The following HSP90AA1 variants were observed in gnomAD, a reference collection of about 807,000 sequenced individuals.
HSP90AA1 encodes heat shock protein HSP 90-alpha.
Under a neutral mutation model 73.3 loss-of-function variants are expected in HSP90AA1, and 18 were observed. The ratio of observed to expected loss-of-function variants is 0.25; its 90% confidence interval spans 0.17 to 0.36. The LOEUF (loss-of-function observed/expected upper bound fraction) is 0.36. HSP90AA1 is among the 10% of genes least tolerant of loss of function. The pLI is 1.00. For synonymous variants in HSP90AA1, 477 were observed against 296.9 expected (o/e 1.61, Z -6.24); for missense variants, 704 against 874.2 (o/e 0.81, Z 2.45).
At chr14:102,124,074 C>A (rs527651817) in intron 1 of HSP90AA1, among the ~76,000 whole-genome samples, 1 of 152,016 alleles carries the variant, frequency 6.6e-6, no homozygotes, top group African/African-American at 2.4e-5. Context: ...GAAACTACCA[C>A]GTCCAGCCTA....
chr14:102,113,641 A>G (rs1259773068), intron 1 of HSP90AA1, among the ~76,000 whole-genome samples: 1 of 152,134 alleles, frequency 6.6e-6, no homozygotes, highest in Non-Finnish European at 1.5e-5. Flanking sequence ...TTGGCCTCCC[A>G]GAGTGCTGGG....
intron 1 of HSP90AA1, among the ~76,000 whole-genome samples, chr14:102,116,136 G>A (rs2049703762): frequency 1.3e-5 from 2 of 151,970 alleles, no homozygotes; most frequent in African/African-American, 2.4e-5. Context: ...TGTATTTTTA[G>A]TAGAGACAGG....
intron 9 of HSP90AA1, chr14:102,082,710 T>C: frequency 1.9e-6 from 1 of 517,722 alleles, no homozygotes; most frequent in East Asian, 3.6e-5. Flanking sequence ...AACCTCCGCC[T>C]CCTGGGTTCA....
rs1220800393 is a variant in HSP90AA1, at chr14:102,081,675, A to G, written c.*37T>C. On this transcript the variant is annotated 3_prime_UTR_variant, in exon 11 of 11. Transcript: ENST00000216281. ...GAAAATATATTATCAGAGGAATTGT[A>G]GAGTACTGAACAGGTAAGTCATCCC... 7.0e-6 allele frequency: 6 copies of G among 853,772 alleles called. No individual in the cohort carries two copies. Among genetic ancestry groups the G allele is most frequent in the Non-Finnish European group, 1.2e-5 (6 of 485,068 alleles). 52.9% of individuals were successfully genotyped at this position (853,772 alleles called of 1,614,324 possible). A position where few individuals can be genotyped will look rare whatever the true frequency, so the allele number is the denominator to read the frequency against.
intron 2 of HSP90AA1, among the ~76,000 whole-genome samples, chr14:102,101,334 G>A (rs565704333): frequency 3.0e-4 from 45 of 152,246 alleles, no homozygotes; most frequent in Non-Finnish European, 4.4e-4. Flanking sequence ...AGCCCCTTCC[G>A]TGGTTCACTG....
chr14:102,103,180 CA>C (rs898771022), intron 1 of HSP90AA1, among the ~76,000 whole-genome samples: 7,144 of 37,156 alleles, frequency 0.19, 10 homozygotes, highest in Non-Finnish European at 0.22. Flanking sequence ...GACTCAGTCT[CA>C]AAAAAAAAAA....
At position 102,131,032 on chromosome 14, in the gene HSP90AA1, A is replaced by T. The variant is rs2049901774; in HGVS notation, c.155+8218T>A. Reference sequence around the variant, plus strand: ...CCATGCCCAGCCTATCCAGGCTTTAAATACTACCTATCTGCTGATAACTGC... The same window carrying T: ...CCATGCCCAGCCTATCCAGGCTTTATATACTACCTATCTGCTGATAACTGC... On this transcript the variant is annotated intron_variant, in intron 1 of 11. Transcript: ENST00000334701. 2.6e-5 allele frequency among the ~76,000 whole-genome samples: 4 copies of T among 152,162 alleles called. No individual in the cohort carries two copies. In the South Asian group the frequency reaches 8.3e-4, roughly 32 times the overall value.
chr14:102,097,792 G>A (rs2049444215), intron 2 of HSP90AA1, among the ~76,000 whole-genome samples: 1 of 152,216 alleles, frequency 6.6e-6, no homozygotes, highest in Admixed American at 6.5e-5. Context: ...TGACCAGGTA[G>A]TGGGTACCCT....
At position 102,081,459 on chromosome 14, in the gene HSP90AA1, G is replaced by A. The variant is rs1435146685; in HGVS notation, c.*253C>T. ...ACAAAGTTAACATCATGTTACATAC[G>A]TCTTACAGTGCACGTTACCCCAATC... On this transcript the variant is annotated 3_prime_UTR_variant, in exon 11 of 11. Transcript: ENST00000216281. 2.9e-5 allele frequency: 16 copies of A among 558,956 alleles called. No homozygotes were observed. The highest frequency in any genetic ancestry group is 3.1e-5 in the Admixed American group (1 of 32,204). The allele number at this position is 558,956 out of a possible 1,614,324, so 34.6% of individuals were successfully genotyped here.
rs1487789624 is a variant in HSP90AA1, at chr14:102,135,720, G to A, written c.155+3530C>T. Among the ~76,000 whole-genome samples, 5 of 152,244 alleles carry A rather than the reference G, an allele frequency of 3.3e-5. No homozygotes were observed. The East Asian group carries it at 7.7e-4, about 23-fold the overall frequency. Reference sequence around the variant, plus strand: ...AGCGCCGGTGGGCCGGCACTGCTGGGGGACCCAGTACACCTCCGCAGCCAC... The same window carrying A: ...AGCGCCGGTGGGCCGGCACTGCTGGAGGACCCAGTACACCTCCGCAGCCAC... On this transcript the variant is annotated intron_variant, in intron 1 of 11. Transcript: ENST00000334701.
rs572876909 is a variant in HSP90AA1, at chr14:102,121,978, T to A, written c.155+17272A>T. 3.1e-3 allele frequency among the ~76,000 whole-genome samples: 470 copies of A among 152,298 alleles called. 4 individuals carry two copies. Among genetic ancestry groups the A allele is most frequent in the African/African-American group, 0.011 (457 of 41,554 alleles). On this transcript the variant is annotated intron_variant, in intron 1 of 11. Coordinates refer to the HSP90AA1 transcript ENST00000334701. ...CCATGCAAGACATAAAATAAAAATA[T>A]CCTATGGCTTCTGAATTTTGGGCTA...
intron 1 of HSP90AA1, among the ~76,000 whole-genome samples, chr14:102,134,162 A>C (rs146198267): frequency 4.3e-5 from 5 of 115,646 alleles, no homozygotes; most frequent in Admixed American, 1.8e-4. Context: ...AAAAAAAAAA[A>C]CCCCGTCTCT....
At position 102,084,695 on chromosome 14, in the gene HSP90AA1, G is replaced by A. The variant is rs1380877736; in HGVS notation, c.967C>T (p.His323Tyr). The A allele has an allele frequency of 1.2e-6, 2 of 1,613,716 alleles. No individual in the cohort carries two copies. Among genetic ancestry groups the A allele is most frequent in the Non-Finnish European group, 1.7e-6 (2 of 1,179,698 alleles). ...YKSLTNDWED[H>Y]LAVKHFSVEG... Reference sequence around the variant, plus strand: ...CAGTCACTCACCTTCACTGCCAAGTGATCTTCCCAGTCATTGGTCAAGCTC... The same window carrying A: ...CAGTCACTCACCTTCACTGCCAAGTAATCTTCCCAGTCATTGGTCAAGCTC... The change falls in exon 5 of 11, where the codon CAC becomes TAC. Residue 323 changes from histidine (H) to tyrosine (Y), a missense_variant. By Grantham distance (83) the His-to-Tyr change is moderately conservative. Coordinates refer to ENST00000216281, the MANE Select transcript of HSP90AA1 (RefSeq NM_005348.4).
At chr14:102,086,400 T>C in intron 1 of HSP90AA1, 22 bp from the exon 2 acceptor site, 1 of 1,614,094 alleles carries the variant, frequency 6.2e-7, no homozygotes, top group Non-Finnish European at 8.5e-7. Flanking sequence ...CCGCGCCGGT[T>C]TAAAACCTTG....
At chr14:102,134,775 G>A (rs1595683845) in intron 1 of HSP90AA1, among the ~76,000 whole-genome samples, 3 of 152,202 alleles carry the variant, frequency 2.0e-5, no homozygotes, top group African/African-American at 7.2e-5. Flanking sequence ...GCAGTAGCAA[G>A]ATTTATTGCA....
chr14:102,082,530 T>G, intron 9 of HSP90AA1, 86 bp from the exon 10 acceptor site: 2 of 989,250 alleles, frequency 2.0e-6, no homozygotes, highest in Middle Eastern at 2.1e-4. Flanking sequence ...AACCCAAATT[T>G]CAATAGATCC....
intron 1 of HSP90AA1, among the ~76,000 whole-genome samples, chr14:102,117,753 T>C (rs1232151823): frequency 6.6e-6 from 1 of 152,138 alleles, no homozygotes; most frequent in African/African-American, 2.4e-5. Flanking sequence ...GGTTAAAACA[T>C]GCCCACTGCT....
At chr14:102,087,151 G>A (rs1028153265), upstream of HSP90AA1, 5 of 983,372 alleles carry the variant, frequency 5.1e-6, no homozygotes, top group African/African-American at 7.0e-5. Flanking sequence ...CCCAGCCGCC[G>A]CCGCGGCCGC....
At chr14:102,087,764 G>T (rs1231342137), upstream of HSP90AA1, among the ~76,000 whole-genome samples, 3 of 152,082 alleles carry the variant, frequency 2.0e-5, no homozygotes, top group Non-Finnish European at 4.4e-5. Context: ...AAAGCCATGT[G>T]CTTCATACTT....
Sources: gnomAD v4.1 joint callset for allele counts (sites outside exome capture counted in the v4.1 genomes callset) on GRCh38, gnomAD v4.1.1 for gene constraint, MANE v1.5 for transcripts, NCBI Gene and HGNC (gene_info 2026-07-23, HGNC 2026-07-21) for gene names.